The following SYT1 variants were observed in gnomAD, a reference collection of about 807,000 sequenced individuals.
SYT1 encodes the protein synaptotagmin-1.
SYT1 carries 8 observed loss-of-function variants against 44.8 expected under a neutral mutation model. The ratio of observed to expected loss-of-function variants is 0.18; its 90% confidence interval spans 0.10 to 0.32. SYT1 has a LOEUF of 0.32. Ranked by LOEUF, SYT1 falls within the 10% of genes least tolerant of loss-of-function variation. The probability of loss-of-function intolerance (pLI) is 1.00; values close to 1 mark genes in which losing one functional copy is unlikely to be tolerated. For missense variants in SYT1, 286 were observed against 509.3 expected (o/e 0.56, Z 4.22); for synonymous variants, 154 against 188.8 (o/e 0.82, Z 1.51).
At position 79,284,747 on chromosome 12, in the gene SYT1, G is replaced by A. The variant is rs187412643; in HGVS notation, c.167-1040G>A. Among the ~76,000 whole-genome samples, 8 of 152,026 alleles carry A rather than the reference G, an allele frequency of 5.3e-5. No individual in the cohort carries two copies. In the East Asian group the frequency reaches 1.5e-3, roughly 29 times the overall value. ...CCAGCTACTCGGGACGCTGAGGCAGGGGAATTGCTTGAACCCAGGAGGCAG... is the reference window on the plus strand; with the variant it reads ...CCAGCTACTCGGGACGCTGAGGCAGAGGAATTGCTTGAACCCAGGAGGCAG... On this transcript the variant is annotated intron_variant, in intron 4 of 10. Coordinates refer to ENST00000261205, the MANE Select transcript of SYT1 (RefSeq NM_005639.3).
At chr12:79,098,195 G>A (rs557027490) in intron 3 of SYT1, among the ~76,000 whole-genome samples, 2 of 152,050 alleles carry the variant, frequency 1.3e-5, no homozygotes, top group African/African-American at 4.8e-5. Flanking sequence ...CTCTGCAAAA[G>A]GCTCAACAAC....
chr12:79,245,743 G>C (rs1054218587), intron 4 of SYT1, among the ~76,000 whole-genome samples: 4 of 152,124 alleles, frequency 2.6e-5, no homozygotes, highest in Admixed American at 2.6e-4. Flanking sequence ...ATTTCTTATA[G>C]ATCATGTAGT....
chr12:78,893,090 A>G (rs1380493183), intron 1 of SYT1, among the ~76,000 whole-genome samples: 1 of 151,856 alleles, frequency 6.6e-6, no homozygotes, highest in Non-Finnish European at 1.5e-5. Flanking sequence ...GGCTGCCATC[A>G]TTACAATCAG....
intron 8 of SYT1, among the ~76,000 whole-genome samples, chr12:79,351,543 A>G (rs1565921323): frequency 1.3e-5 from 2 of 152,058 alleles, no homozygotes; most frequent in Admixed American, 6.6e-5. Context: ...TGCGAAAAAA[A>G]AAAAAAGAGC....
At chr12:79,064,843 T>C (rs1369036733) in intron 3 of SYT1, among the ~76,000 whole-genome samples, 2 of 151,424 alleles carry the variant, frequency 1.3e-5, no homozygotes, top group African/African-American at 4.9e-5. Context: ...CCATCTACTC[T>C]TCTCTCTCCT....
chr12:79,371,619 G>T lies in SYT1; in HGVS notation c.928+18000G>T, dbSNP rs550960653. 5.9e-5 allele frequency among the ~76,000 whole-genome samples: 9 copies of T among 152,288 alleles called. No individual in the cohort carries two copies. In the East Asian group the frequency reaches 1.7e-3, roughly 29 times the overall value. On this transcript the variant is annotated intron_variant, in intron 9 of 10. Transcript: ENST00000261205. ...TTCAATGACTATAAAAAAGAGGAAG[G>T]TTAGTGTTTACAAGTTTACATAATA...
At chr12:78,954,466 C>T (rs1386320240) in intron 1 of SYT1, among the ~76,000 whole-genome samples, 1 of 151,828 alleles carries the variant, frequency 6.6e-6, no homozygotes, top group Non-Finnish European at 1.5e-5. Context: ...TGACAGTCTT[C>T]AGAATGATCC....
intron 1 of SYT1, among the ~76,000 whole-genome samples, chr12:78,899,331 C>T (rs1222483051): frequency 6.6e-6 from 1 of 151,774 alleles, no homozygotes. Flanking sequence ...GTATGAAAAT[C>T]TAAGAAATGC....
rs144575116 is a variant in SYT1, at chr12:79,282,851, C to G, written c.167-2936C>G. On this transcript the variant is annotated intron_variant, in intron 4 of 10. Coordinates refer to ENST00000261205, the MANE Select transcript of SYT1 (RefSeq NM_005639.3). The stretch of plus-strand genomic sequence containing the variant: ...AATAAATAAGATAATGTATCTATAA[C>G]TGTAGCCAAATTGCTGGGCCATAAC... Among the ~76,000 whole-genome samples the G allele has an allele frequency of 8.5e-5, 13 of 152,096 alleles. No homozygotes were observed. In the East Asian group the frequency reaches 2.1e-3, roughly 25 times the overall value.
chr12:79,095,514 T>C (rs970777230), intron 3 of SYT1, among the ~76,000 whole-genome samples: 2 of 151,902 alleles, frequency 1.3e-5, no homozygotes, highest in African/African-American at 4.8e-5. Context: ...ATAACCAATT[T>C]ATTTATTACA....
intron 2 of SYT1, chr12:78,995,727 G>GA (rs1399239022): frequency 6.6e-6 from 1 of 152,088 alleles, no homozygotes; most frequent in Non-Finnish European, 1.5e-5. Flanking sequence ...ATTATGCTGG[G>GA]AAAATCTAAT....
chr12:78,881,095 C>T (rs919623761), intron 1 of SYT1, among the ~76,000 whole-genome samples: 1 of 151,610 alleles, frequency 6.6e-6, no homozygotes, highest in African/African-American at 2.4e-5. Context: ...GATTGACATA[C>T]ACATGCAGCT....
intron 3 of SYT1, among the ~76,000 whole-genome samples, chr12:79,126,570 A>T (rs943572804): frequency 5.3e-5 from 8 of 152,226 alleles, no homozygotes; most frequent in African/African-American, 1.9e-4. Flanking sequence ...AAAGTGTTTA[A>T]TAATATGCTA....
At chr12:79,400,512 A>G (rs1885030994) in intron 9 of SYT1, among the ~76,000 whole-genome samples, 1 of 152,194 alleles carries the variant, frequency 6.6e-6, no homozygotes, top group Admixed American at 6.5e-5. Flanking sequence ...AAACTGAAAA[A>G]GTGACCATAT....
intron 8 of SYT1, among the ~76,000 whole-genome samples, chr12:79,309,382 T>C (rs1300689769): frequency 2.0e-5 from 3 of 152,094 alleles, no homozygotes; most frequent in Non-Finnish European, 4.4e-5. Flanking sequence ...AACCACTTTA[T>C]GTTTCTTTTT....
At chr12:79,088,754 G>A (rs1400560450) in intron 3 of SYT1, among the ~76,000 whole-genome samples, 8 of 150,394 alleles carry the variant, frequency 5.3e-5, no homozygotes, top group Admixed American at 1.3e-4. Flanking sequence ...GTGTGTGTGT[G>A]TGTGTGTGTG....
intron 3 of SYT1, among the ~76,000 whole-genome samples, chr12:79,075,752 G>A (rs998467300): frequency 6.6e-6 from 1 of 151,942 alleles, no homozygotes; most frequent in African/African-American, 2.4e-5. Context: ...CTATAGAATC[G>A]GATACAATTT....
intron 3 of SYT1, among the ~76,000 whole-genome samples, chr12:79,070,222 A>G (rs1297017920): frequency 6.6e-6 from 1 of 152,152 alleles, no homozygotes; most frequent in African/African-American, 2.4e-5. Context: ...CATGTCCATC[A>G]GTGTGAGAAT....
intron 8 of SYT1, among the ~76,000 whole-genome samples, chr12:79,325,221 A>G (rs534956377): frequency 3.9e-5 from 6 of 152,368 alleles, no homozygotes; most frequent in African/African-American, 1.4e-4. Flanking sequence ...CTCATGGTTA[A>G]GGAGCGCTAA....
Sources: allele counts gnomAD v4.1 joint callset (sites outside exome capture counted in the v4.1 genomes callset), GRCh38; gene constraint gnomAD v4.1.1; transcripts MANE v1.5; gene names NCBI Gene and HGNC (gene_info 2026-07-23, HGNC 2026-07-21).